PLCH2: variants seen among roughly 807,000 people sequenced by gnomAD.
PLCH2 encodes 1-phosphatidylinositol 4,5-bisphosphate phosphodiesterase eta-2.
Under a neutral mutation model 134.7 loss-of-function variants are expected in PLCH2, and 98 were observed. That is an observed-to-expected ratio of 0.73 (90% CI 0.62 to 0.86). The LOEUF (loss-of-function observed/expected upper bound fraction) is 0.86, where lower values mean the gene tolerates loss of function less well. Among genes scored for constraint, PLCH2 ranks in the 40% least tolerant of loss-of-function variants. The pLI is 0.00. For synonymous variants in PLCH2, 974 were observed against 827.5 expected (o/e 1.18, Z -3.04); for missense variants, 1,994 against 1,986.6 (o/e 1.00, Z -0.07).
chr1:2,476,051 C>G (rs932263102), upstream of PLCH2, among the ~76,000 whole-genome samples: 2 of 152,212 alleles, frequency 1.3e-5, no homozygotes, highest in Non-Finnish European at 2.9e-5. Context: ...CCTCGGAGGA[C>G]AGTACCCTGC....
intron 2 of PLCH2, among the ~76,000 whole-genome samples, chr1:2,451,107 T>C (rs1451843208): frequency 6.6e-6 from 1 of 151,922 alleles, no homozygotes; most frequent in Non-Finnish European, 1.5e-5. Flanking sequence ...GAGGTGCAAT[T>C]TGGGGCAGGG....
the PLCH2 span, among the ~76,000 whole-genome samples, chr1:2,417,026 T>G: frequency 6.6e-6 from 1 of 152,018 alleles, no homozygotes; most frequent in African/African-American, 2.4e-5. Context: ...GAGAGGGGCA[T>G]GGGCCTGTGG....
In PLCH2 at chr1:2,479,964, C is replaced by G; in HGVS notation, c.502C>G (p.Arg168Gly). Residue 168 changes from arginine to glycine, a missense_variant, in exon 3 of 22, where the codon CGC becomes GGC. Arg to Gly is a moderately radical substitution (Grantham distance 125). Around this residue, in one of 2 missense-constraint regions of PLCH2, gnomAD observed 1,094 missense variants for 1,234.3 expected, o/e 0.89. Coordinates refer to ENST00000378486, the MANE Select transcript of PLCH2 (RefSeq NM_014638.4). ...CGAGGACAGCCTGGCTCGCCGCCAG[C>G]GCACCAGGGACCAATATCCTTGGGC... ...SDEDSLARRQ[R>G]TRDQWLKQTF... is the part of the protein sequence containing the mutation. 1 of 1,605,636 alleles carries G rather than the reference C, an allele frequency of 6.2e-7. No homozygotes were observed. Among genetic ancestry groups the G allele is most frequent in the Non-Finnish European group, 8.5e-7 (1 of 1,175,174 alleles).
Position 2,489,849 on chromosome 1 carries a change from C to T in PLCH2, c.1497C>T (p.Cys499=). 1.2e-6 allele frequency: 2 copies of T among 1,612,084 alleles called. No homozygotes were observed. Among genetic ancestry groups the T allele is most frequent in the Non-Finnish European group, 1.7e-6 (2 of 1,178,340 alleles). Residue 499 remains cysteine (C), a synonymous_variant, in exon 10 of 22, where the codon TGC becomes TGT. Transcript: ENST00000378486. The part of the protein sequence containing the change: ...EDSADEIDDD[C]KLLNGDASTN... ...GTGCTGATGAGATTGACGATGACTG[C>T]AAGCTCCTCAATGGGGATGTGAGTC... is the stretch of plus-strand genomic sequence containing the variant.
At chr1:2,474,833 C>T (rs1641527761), upstream of PLCH2, among the ~76,000 whole-genome samples, 1 of 152,142 alleles carries the variant, frequency 6.6e-6, no homozygotes, top group Non-Finnish European at 1.5e-5. Context: ...GGCCCTGGGC[C>T]AGGGCTATGG....
rs757369030 is a variant in PLCH2, at chr1:2,436,293, TTCCTCCTTCTTCCC to T, written c.115+5671_115+5684del. Among the ~76,000 whole-genome samples, 210 of 55,190 alleles carry T rather than the reference TTCCTCCTTCTTCCC, an allele frequency of 3.8e-3. 5 individuals are homozygous for T. Among genetic ancestry groups the T allele is most frequent in the Non-Finnish European group, 4.8e-3 (130 of 27,340 alleles). The allele number at this position is 55,190 out of a possible 152,430, so 36.2% of individuals were successfully genotyped here. On this transcript the variant is annotated intron_variant, in intron 2 of 3. Coordinates refer to the PLCH2 transcript ENST00000609981. ...CCTTTCCTCCTTCCTCCCTCCTCCT[TTCCTCCTTCTTCCC>T]TCCTCCCTTCCTCCCTCCTCCCTTC...
At chr1:2,416,224 A>G in the PLCH2 span, among the ~76,000 whole-genome samples, 1 of 152,184 alleles carries the variant, frequency 6.6e-6, no homozygotes, top group African/African-American at 2.4e-5. Flanking sequence ...TGGACGCAGC[A>G]GGTCGGGGTC....
chr1:2,449,663 G>A (rs1640103272), intron 2 of PLCH2, among the ~76,000 whole-genome samples: 2 of 152,206 alleles, frequency 1.3e-5, no homozygotes, highest in South Asian at 4.1e-4. Flanking sequence ...CTGGGGTGGA[G>A]GACATGGCTC....
At chr1:2,475,971 G>A (rs1641592846), upstream of PLCH2, among the ~76,000 whole-genome samples, 1 of 152,210 alleles carries the variant, frequency 6.6e-6, no homozygotes, top group South Asian at 2.1e-4. Flanking sequence ...GGTGAGGGCA[G>A]GGACCACTCC....
At chr1:2,499,571 T>TG in intron 19 of PLCH2, 70 bp from the exon 20 acceptor site, 2 of 1,170,668 alleles carry the variant, frequency 1.7e-6, no homozygotes, top group Non-Finnish European at 2.5e-6. Flanking sequence ...TTAAGTAGAA[T>TG]GGGGGGCAGA....
chr1:2,420,819 C>T, the PLCH2 span, among the ~76,000 whole-genome samples: 15 of 152,240 alleles, frequency 9.9e-5, no homozygotes, highest in African/African-American at 3.6e-4. Context: ...TCTCTTCCCC[C>T]TTGGGACTCC....
At chr1:2,481,105 C>T (rs1033820704) in intron 4 of PLCH2, among the ~76,000 whole-genome samples, 6 of 152,274 alleles carry the variant, frequency 3.9e-5, no homozygotes, top group African/African-American at 9.6e-5. Flanking sequence ...CACACACACA[C>T]GCATACACAT....
In PLCH2 at chr1:2,487,767, G is replaced by A. The variant is rs776855385; in HGVS notation, c.1235+49G>A. 2.0e-5 allele frequency: 32 copies of A among 1,582,614 alleles called. No homozygotes were observed. The South Asian group carries it at 2.9e-4, about 14-fold the overall frequency. ...CTGGCCCCAGAGGTGGGCAGGGTAG[G>A]GTCTCCAGGCTCTAGCTCTTCCTGC... On this transcript the variant is annotated intron_variant, in intron 8 of 21. Coordinates refer to ENST00000378486, the MANE Select transcript of PLCH2 (RefSeq NM_014638.4).
In PLCH2 at chr1:2,489,367, A is replaced by G; in HGVS notation, c.1396A>G (p.Ile466Val). 2.5e-6 allele frequency: 4 copies of G among 1,613,668 alleles called. No homozygotes were observed. The highest frequency in any genetic ancestry group is 1.7e-5 in the Admixed American group (1 of 60,016). Reference protein sequence around the residue: ...LPSPQMLKGKILVKGKKLPAN... With the variant: ...LPSPQMLKGKVLVKGKKLPAN... ...CTCTCCACAGATGCTCAAGGGCAAGATCCTCGTGAAGGTGAGTGAGCCCCT... is the reference window on the plus strand; with the variant it reads ...CTCTCCACAGATGCTCAAGGGCAAGGTCCTCGTGAAGGTGAGTGAGCCCCT... Residue 466 changes from isoleucine to valine, a missense_variant, in exon 9 of 22, where the codon ATC (isoleucine) becomes GTC (valine). Transcript: ENST00000378486.
At chr1:2,451,613 G>T (rs946750735) in intron 2 of PLCH2, among the ~76,000 whole-genome samples, 12 of 152,140 alleles carry the variant, frequency 7.9e-5, no homozygotes, top group Non-Finnish European at 1.8e-4. Flanking sequence ...CTGCGCCATG[G>T]GTGGGCTGGG....
In PLCH2 at chr1:2,505,072, A is replaced by T. The variant is rs1482745784; in HGVS notation, c.4110A>T (p.Gly1370=). ...QQRLQGLGRQ[G]PPEEERGTPE... ...GACTGCAGGGCCTGGGCCGGCAGGG[A>T]CCCCCAGAAGAGGAGCGGGGCACCC... The change falls in exon 22 of 22, where the codon GGA becomes GGT. Residue 1370 remains glycine, a synonymous_variant. Coordinates refer to ENST00000378486, the MANE Select transcript of PLCH2 (RefSeq NM_014638.4). The T allele has an allele frequency of 1.2e-5, 19 of 1,538,164 alleles. No homozygotes were observed. Among genetic ancestry groups the T allele is most frequent in the Non-Finnish European group, 1.7e-5 (19 of 1,149,560 alleles).
Position 2,504,213 on chromosome 1 carries a change from C to G in PLCH2, c.3251C>G (p.Thr1084Ser), listed in dbSNP as rs1322785369. The change falls in exon 22 of 22, where the codon ACC becomes AGC. Residue 1084 changes from threonine (T) to serine (S), a missense_variant. By Grantham distance (58) the Thr-to-Ser change is moderately conservative. This residue lies in a region of PLCH2 where 900 missense variants were observed against 752.3 expected (regional missense o/e 1.20). Transcript: ENST00000378486. ...ACGGACGGCAGGAGCCAGCCCCGGA[C>G]CCTGGGCCACCTGCCCGTGATTAGA... ...SQTDGRSQPR[T>S]LGHLPVIRRV... 1.9e-6 allele frequency: 3 copies of G among 1,560,692 alleles called. No homozygotes were observed. The South Asian group carries it at 3.5e-5, about 18-fold the overall frequency.
chr1:2,487,624 GAGCCCATTGTGCAC>G lies in PLCH2; in HGVS notation c.1142_1155del (p.Glu381AlafsTer16). ...GGACTGCTGGGATGGGCCCGACGGG[GAGCCCATTGTGCAC>G]CATGGCTACACTCTGACTTCCAAGA... On this transcript the variant is annotated frameshift_variant, in exon 8 of 22. Transcript: ENST00000378486. LOFTEE classifies it high-confidence loss of function. 6.2e-7 allele frequency: 1 copy of G among 1,613,324 alleles called. No individual in the cohort carries two copies. Among genetic ancestry groups the G allele is most frequent in the Non-Finnish European group, 8.5e-7 (1 of 1,179,834 alleles).
the PLCH2 span, among the ~76,000 whole-genome samples, chr1:2,418,082 G>A: frequency 6.6e-6 from 1 of 152,258 alleles, no homozygotes; most frequent in African/African-American, 2.4e-5. Context: ...ACCTGCAGGA[G>A]CTGTGGAGTC....
Sources: gnomAD v4.1 joint callset for allele counts (sites outside exome capture counted in the v4.1 genomes callset) on GRCh38, gnomAD v4.1.1 for gene constraint, gnomAD v4.1.1 regional missense constraint, MANE v1.5 for transcripts, NCBI Gene and HGNC (gene_info 2026-07-23, HGNC 2026-07-21) for gene names.